ATP10A: variants seen among roughly 807,000 people sequenced by gnomAD.
The protein encoded by ATP10A is phospholipid-transporting ATPase VA.
Under a neutral mutation model 147.8 loss-of-function variants are expected in ATP10A, and 111 were observed. The observed-to-expected ratio is 0.75, with a 90% confidence interval of 0.64 to 0.88. The LOEUF is 0.88. ATP10A is among the 40% of genes least tolerant of loss of function. The pLI, the probability that ATP10A is intolerant of heterozygous loss-of-function variation, is 0.00. For synonymous variants in ATP10A, 875 were observed against 841.6 expected, an observed-to-expected ratio of 1.04 and a Z score of -0.69; for missense variants, 1,927 against 1,959.0, an observed-to-expected ratio of 0.98 and a Z score of 0.31.
chr15:25,747,020 C>T (rs866859028), intron 2 of ATP10A, among the ~76,000 whole-genome samples: 3 of 152,166 alleles, frequency 2.0e-5, no homozygotes, highest in African/African-American at 4.8e-5. Flanking sequence ...ACTTGGCTGG[C>T]TCACGCCTGT....
downstream of ATP10A, among the ~76,000 whole-genome samples, chr15:25,673,562 G>T (rs554851254): frequency 6.6e-6 from 1 of 152,186 alleles, no homozygotes; most frequent in Non-Finnish European, 1.5e-5. Context: ...GGGGGACGAC[G>T]TTGCCCTTCC....
rs920976010 is a variant in ATP10A at position 25,746,948 on chromosome 15, TA to T, written c.655-10808del. 7.3e-5 allele frequency among the ~76,000 whole-genome samples: 11 copies of T among 151,106 alleles called. No individual in the cohort carries two copies. In the East Asian group the frequency reaches 1.2e-3, roughly 16 times the overall value. The stretch of plus-strand genomic sequence containing the variant: ...TGTAATGCAAATAATATCCCAAAAA[TA>T]AAAAAAAATCAGAAATCTGAAAAAC... On this transcript the variant is annotated intron_variant, in intron 2 of 20. Transcript: ENST00000555815.
chr15:25,848,583 A>T (rs1190188751), intron 1 of ATP10A, among the ~76,000 whole-genome samples: 1 of 151,862 alleles, frequency 6.6e-6, no homozygotes, highest in East Asian at 1.9e-4. Flanking sequence ...GGCCGCCCAC[A>T]CTCCTTGACT....
rs752015152 is a variant in ATP10A, at chr15:25,727,224, G to A, written c.783C>T (p.Asn261=). 24 of 1,613,950 alleles carry A rather than the reference G, an allele frequency of 1.5e-5. No individual in the cohort carries two copies. Among genetic ancestry groups the A allele is most frequent in the Non-Finnish European group, 2.0e-5 (24 of 1,179,936 alleles). ...TAAGGGTGCAGCCCCTCAGCAGCAG[G>A]TTTTCTTTATACAGCCCGGCCTTTT... The part of the protein sequence containing the change: ...NGKKAGLYKE[N]LLLRGCTLRN... Residue 261 remains asparagine (N), a synonymous_variant, in exon 4 of 21, where the codon AAC becomes AAT. Transcript: ENST00000555815.
At position 25,826,239 on chromosome 15, in the gene ATP10A, G is replaced by A. The variant is rs149592345; in HGVS notation, c.449+36409C>T. 2.7e-4 allele frequency among the ~76,000 whole-genome samples: 41 copies of A among 152,244 alleles called. No homozygotes were observed. The East Asian group carries it at 6.6e-3, about 24-fold the overall frequency. ...GGGAGTCCCAGAAAGAAAAAAGAGA[G>A]ACAAAAAGAAGAAAGTACAGTTGAA... On this transcript the variant is annotated intron_variant, in intron 1 of 20. Coordinates refer to ENST00000555815, the MANE Select transcript of ATP10A (RefSeq NM_024490.4).
chr15:25,803,839 T>A (rs1891047306), intron 1 of ATP10A, among the ~76,000 whole-genome samples: 1 of 152,208 alleles, frequency 6.6e-6, no homozygotes, highest in African/African-American at 2.4e-5. Context: ...GCTGCTGCCC[T>A]CCCAGGCACA....
intron 2 of ATP10A, among the ~76,000 whole-genome samples, chr15:25,779,758 T>C (rs1162714807): frequency 6.6e-6 from 1 of 152,178 alleles, no homozygotes; most frequent in Non-Finnish European, 1.5e-5. Flanking sequence ...CAAAAAATAC[T>C]ATTTTTAATT....
chr15:25,740,452 A>C (rs1887527456), intron 2 of ATP10A, among the ~76,000 whole-genome samples: 1 of 152,142 alleles, frequency 6.6e-6, no homozygotes, highest in African/African-American at 2.4e-5. Flanking sequence ...CCCTGGTGAG[A>C]GAATGCACAG....
chr15:25,860,360 G>A (rs1316588062), intron 1 of ATP10A, among the ~76,000 whole-genome samples: 5 of 152,188 alleles, frequency 3.3e-5, no homozygotes, highest in Non-Finnish European at 7.3e-5. Flanking sequence ...GGGGCTGGGA[G>A]CCCCACCCAG....
chr15:25,719,431 C>T (rs572227631), intron 7 of ATP10A, among the ~76,000 whole-genome samples: 6 of 152,290 alleles, frequency 3.9e-5, no homozygotes, highest in African/African-American at 1.2e-4. Context: ...CCCGCAAATG[C>T]CTCCCCAGCT....
intron 10 of ATP10A, among the ~76,000 whole-genome samples, chr15:25,713,138 G>C (rs2140388417): frequency 6.6e-6 from 1 of 152,342 alleles, no homozygotes; most frequent in South Asian, 2.1e-4. Context: ...TTCCCTGGAG[G>C]TGAGGCTGCA....
chr15:25,755,520 ACTTT>A (rs1888365777), intron 2 of ATP10A, among the ~76,000 whole-genome samples: 1 of 152,226 alleles, frequency 6.6e-6, no homozygotes, highest in South Asian at 2.1e-4. Context: ...GCCCTGGAGC[ACTTT>A]CTAATAGGTG....
At chr15:25,675,359 AG>A (rs1899115835), downstream of ATP10A, among the ~76,000 whole-genome samples, 1 of 152,246 alleles carries the variant, frequency 6.6e-6, no homozygotes, top group African/African-American at 2.4e-5. Flanking sequence ...AAGGTCAAGT[AG>A]TTCGAAAGTA....
chr15:25,847,274 A>T (rs926138154), intron 1 of ATP10A, among the ~76,000 whole-genome samples: 1 of 152,190 alleles, frequency 6.6e-6, no homozygotes, highest in Non-Finnish European at 1.5e-5. Context: ...GGGACCCCAG[A>T]GCCCCAGGGC....
intron 1 of ATP10A, among the ~76,000 whole-genome samples, chr15:25,860,736 G>C (rs182133339): frequency 1.4e-4 from 22 of 152,262 alleles, no homozygotes; most frequent in Non-Finnish European, 2.2e-4. Flanking sequence ...AGCCTTACAA[G>C]GTCACAGAGA....
At chr15:25,705,773 A>G (rs1323425374) in intron 12 of ATP10A, among the ~76,000 whole-genome samples, 1 of 152,238 alleles carries the variant, frequency 6.6e-6, no homozygotes, top group Non-Finnish European at 1.5e-5. Context: ...CAATCTACTA[A>G]CATAGCATCA....
At chr15:25,695,489 C>T (rs1302976891) in intron 13 of ATP10A, among the ~76,000 whole-genome samples, 3 of 152,012 alleles carry the variant, frequency 2.0e-5, no homozygotes, top group Admixed American at 6.5e-5. Context: ...ATTAGCCAGG[C>T]GTGGTGGTGG....
chr15:25,780,657 C>G (rs1279896836), intron 2 of ATP10A, among the ~76,000 whole-genome samples: 2 of 152,234 alleles, frequency 1.3e-5, no homozygotes, highest in Non-Finnish European at 2.9e-5. Flanking sequence ...CTGGTGGGAA[C>G]AGGCCATGAC....
intron 14 of ATP10A, among the ~76,000 whole-genome samples, chr15:25,694,395 G>A (rs935487474): frequency 1.6e-4 from 24 of 152,224 alleles, no homozygotes; most frequent in African/African-American, 5.1e-4. Context: ...CCCTTAGGGC[G>A]TTACAAAGCC....
Sources: allele counts gnomAD v4.1 joint callset (sites outside exome capture counted in the v4.1 genomes callset), GRCh38; gene constraint gnomAD v4.1.1; transcripts MANE v1.5; gene names NCBI Gene and HGNC (gene_info 2026-07-23, HGNC 2026-07-21).